The following ARHGEF25 variants were observed in gnomAD, a reference collection of about 807,000 sequenced individuals.
The protein encoded by ARHGEF25 is Rho guanine nucleotide exchange factor 25.
In ARHGEF25, 42 loss-of-function variants were observed where a neutral mutation model predicts 74.0. The ratio of observed to expected loss-of-function variants is 0.57; its 90% CI spans 0.44 to 0.73. The LOEUF (loss-of-function observed/expected upper bound fraction) is 0.73, where lower values mean the gene tolerates loss of function less well. ARHGEF25 is among the 30% of genes least tolerant of loss of function. The probability of loss-of-function intolerance (pLI) is 0.00; values close to 1 mark genes in which losing one functional copy is unlikely to be tolerated. For synonymous variants in ARHGEF25, 293 were observed against 278.6 expected (o/e 1.05, Z -0.51); for missense variants, 645 against 725.5 (o/e 0.89, Z 1.27).
In ARHGEF25 at chr12:57,613,493, G is replaced by C. The variant is rs770647857; in HGVS notation, c.462G>C (p.Lys154Asn). ...SQAPESEEEQ[K>N]KKALERSMYV... Reference sequence around the variant, plus strand: ...CCCCTGAGAGTGAGGAGGAACAGAAGAAGAAGGCTCTGGAAAGGAGTATGT... The same window carrying C: ...CCCCTGAGAGTGAGGAGGAACAGAACAAGAAGGCTCTGGAAAGGAGTATGT... Residue 154 changes from lysine to asparagine, a missense_variant, in exon 4 of 15, where the codon AAG becomes AAC. Lys to Asn is a moderately conservative substitution (Grantham distance 94, BLOSUM62 0). Around this residue, in one of 3 missense-constraint regions of ARHGEF25, gnomAD observed 189 missense variants for 199.1 expected, o/e 0.95. Transcript: ENST00000286494. The C allele has an allele frequency of 1.7e-5, 27 of 1,614,128 alleles. No homozygotes were observed. The highest frequency in any genetic ancestry group is 2.2e-5 in the Non-Finnish European group (26 of 1,180,050).
upstream of ARHGEF25, chr12:57,610,570 C>G (rs764009524): frequency 1.2e-6 from 2 of 1,607,830 alleles, no homozygotes; most frequent in East Asian, 2.2e-5. Flanking sequence ...GTCCCCGCAG[C>G]CCCCAAGGAG....
At chr12:57,612,201 CTCTT>C in intron 1 of ARHGEF25, 1 of 342,606 alleles carries the variant, frequency 2.9e-6, no homozygotes, top group Admixed American at 4.9e-5. Flanking sequence ...GGGAACTCAT[CTCTT>C]TCCCTTTGTC....
rs746573153 is a variant in ARHGEF25, at chr12:57,613,341, C to T, written c.390C>T (p.Gly130=). ...ELTLLTTLLE[G]PGDKTQPPEE... is the part of the protein sequence containing the mutation. The stretch of plus-strand genomic sequence containing the variant: ...CCTTGCTGACCACACTGTTGGAGGG[C>T]CCTGGAGATAAGACGCAGGTGTGAG... Residue 130 remains glycine, a synonymous_variant, in exon 3 of 15, where the codon GGC becomes GGT. Transcript: ENST00000286494. 6.2e-7 allele frequency: 1 copy of T among 1,614,206 alleles called. No individual in the cohort carries two copies. Among genetic ancestry groups the T allele is most frequent in the South Asian group, 1.1e-5 (1 of 91,076 alleles).
chr12:57,613,463 C>T lies in ARHGEF25; in HGVS notation c.432C>T (p.Ser144=). 6.2e-7 allele frequency: 1 copy of T among 1,614,166 alleles called. No homozygotes were observed. Among genetic ancestry groups the T allele is most frequent in the Non-Finnish European group, 8.5e-7 (1 of 1,180,034 alleles). The part of the protein sequence containing the change: ...KTQPPEEETL[S]QAPESEEEQK... Reference sequence around the variant, plus strand: ...AGCCACCTGAAGAGGAGACTTTGTCCCAAGCCCCTGAGAGTGAGGAGGAAC... The same window carrying T: ...AGCCACCTGAAGAGGAGACTTTGTCTCAAGCCCCTGAGAGTGAGGAGGAAC... Residue 144 remains serine, a synonymous_variant, in exon 4 of 15, where the codon TCC becomes TCT. Transcript: ENST00000286494.
chr12:57,610,324 G>A (rs1407716737), upstream of ARHGEF25: 2 of 1,483,954 alleles, frequency 1.3e-6, no homozygotes, highest in Non-Finnish European at 9.0e-7. Context: ...GGGTAAGAAT[G>A]GGGGCTCGCG....
rs949857766 is a variant in ARHGEF25 at position 57,616,358 on chromosome 12, G to A, written c.1495G>A (p.Val499Met). 3.2e-5 allele frequency: 52 copies of A among 1,614,000 alleles called. No homozygotes were observed. Among genetic ancestry groups the A allele is most frequent in the African/African-American group, 5.3e-5 (4 of 74,890 alleles). Residue 499 changes from valine to methionine, a missense_variant, in exon 14 of 15, where the codon GTG (valine) becomes ATG (methionine). This residue lies in a region of ARHGEF25 where 262 missense variants were observed against 256.9 expected (regional missense o/e 1.02). Coordinates refer to ENST00000286494, the MANE Select transcript of ARHGEF25 (RefSeq NM_182947.4). ...CCTGGGGCGGCCAAGAGGGCCTGGA[G>A]TGGGGAGCCCTGGAAGAATTCAGCT... ...NSLGRPRGPG[V>M]GSPGRIQLGD...
In ARHGEF25 at chr12:57,614,782, G is replaced by A. The variant is rs1238786687; in HGVS notation, c.909+1G>A. 3 of 1,606,382 alleles carry A rather than the reference G, an allele frequency of 1.9e-6. No individual in the cohort carries two copies. The highest frequency in any genetic ancestry group is 2.6e-6 in the Non-Finnish European group (3 of 1,176,420). On this transcript the variant is annotated splice_donor_variant, in intron 9 of 14. Coordinates refer to ENST00000286494, the MANE Select transcript of ARHGEF25 (RefSeq NM_182947.4). LOFTEE classifies it high-confidence loss of function. The surrounding 1 kb of genome is among the most constrained non-coding windows in gnomAD (Gnocchi z 4.6). Reference sequence around the variant, plus strand: ...CATGAAATACCAGCTGCTGCTCAAGGTCAGGACCCCCTTTTTCCTGGGGGC... The same window carrying A: ...CATGAAATACCAGCTGCTGCTCAAGATCAGGACCCCCTTTTTCCTGGGGGC...
chr12:57,610,751 T>A (rs557599605), upstream of ARHGEF25: 89 of 1,347,078 alleles, frequency 6.6e-5, no homozygotes, highest in East Asian at 2.0e-3. Flanking sequence ...TTCAAAAATA[T>A]TCTATTCTTA....
chr12:57,616,520 T>C (rs764681473), intron 14 of ARHGEF25, 25 bp downstream of exon 14: 1 of 1,601,870 alleles, frequency 6.2e-7, no homozygotes, highest in African/African-American at 1.3e-5. Context: ...GCTCCCTCAT[T>C]GTAGGGATAA....
At chr12:57,612,692 C>A (rs1594958784) in intron 1 of ARHGEF25, 1 of 1,403,598 alleles carries the variant, frequency 7.1e-7, no homozygotes, top group East Asian at 2.5e-5. Context: ...GGGGAACCTC[C>A]ACATGTAACT....
chr12:57,614,683 C>A lies in ARHGEF25; in HGVS notation c.817-6C>A. On this transcript the variant is annotated splice_polypyrimidine_tract_variant and splice_region_variant and intron_variant, in intron 8 of 14. Transcript: ENST00000286494. The surrounding 1 kb of genome is among the most constrained non-coding windows in gnomAD (Gnocchi z 4.6). ...GGCTGCATAACCACCCTGTCCCTGT[C>A]CCCAGGAGCTCCGGCAGCAGCTGGG... The A allele has an allele frequency of 6.2e-7, 1 of 1,613,548 alleles. No homozygotes were observed. The highest frequency in any genetic ancestry group is 8.5e-7 in the Non-Finnish European group (1 of 1,179,872).
rs571298065 is a variant in ARHGEF25 at position 57,614,325 on chromosome 12, C to T, written c.657-6C>T. 49 of 1,614,170 alleles carry T rather than the reference C, an allele frequency of 3.0e-5. 1 individual carries two copies. The South Asian group carries it at 4.9e-4, about 16-fold the overall frequency. On this transcript the variant is annotated splice_polypyrimidine_tract_variant and splice_region_variant and intron_variant, in intron 6 of 14. Coordinates refer to ENST00000286494, the MANE Select transcript of ARHGEF25 (RefSeq NM_182947.4). This position sits in a 1 kb window ranked among gnomAD's most constrained non-coding sequence, Gnocchi z 4.6. ...TGACCTGCTGCTTCTCTACCAACCC[C>T]TCCAGCTATTTCTTGCAAGAGCTAC...
At chr12:57,610,583 G>A, upstream of ARHGEF25, 1 of 1,610,330 alleles carries the variant, frequency 6.2e-7, no homozygotes, top group South Asian at 1.1e-5. Flanking sequence ...CCAAGGAGAA[G>A]CCCTCTAGGG....
In ARHGEF25 at chr12:57,613,981, C is replaced by T. The variant is rs200046593; in HGVS notation, c.553-35C>T. 1.4e-5 allele frequency: 23 copies of T among 1,598,482 alleles called. No homozygotes were observed. In the African/African-American group the frequency reaches 2.5e-4, roughly 18 times the overall value. On this transcript the variant is annotated intron_variant, in intron 5 of 14. Transcript: ENST00000286494. ...ACCATTAAGGTGGGGAGAGGGCCAC[C>T]ACATGCTCATGACCCAACCTCAACT...
Position 57,616,793 on chromosome 12 carries a change from G to A in ARHGEF25, c.1642G>A (p.Asp548Asn), listed in dbSNP as rs1180761727. The stretch of plus-strand genomic sequence containing the variant: ...TGAATCTTTTCTTCAGGCCCTTGGT[G>A]ACATCCCCCAGGCTCCCCATGACTC... ...LLPLDKQALG[D>N]IPQAPHDSPP... Residue 548 changes from aspartate to asparagine, a missense_variant, in exon 15 of 15, where the codon GAC becomes AAC. By Grantham distance (23) the Asp-to-Asn change is conservative. Coordinates refer to ENST00000286494, the MANE Select transcript of ARHGEF25 (RefSeq NM_182947.4). 10 of 1,606,960 alleles carry A rather than the reference G, an allele frequency of 6.2e-6. No homozygotes were observed. Among genetic ancestry groups the A allele is most frequent in the Admixed American group, 1.7e-5 (1 of 58,694 alleles).
intron 1 of ARHGEF25, 165 bp downstream of exon 1, chr12:57,612,156 T>G (rs1884083163): frequency 2.3e-6 from 1 of 444,118 alleles, no homozygotes. Flanking sequence ...TCCAAATTTC[T>G]GTTAGTTCAA....
chr12:57,613,203 G>A, intron 2 of ARHGEF25, 59 bp downstream of exon 2: 2 of 1,610,028 alleles, frequency 1.2e-6, no homozygotes, highest in Non-Finnish European at 1.7e-6. Context: ...TGGCAGAGAG[G>A]GCAAGTTGGG....
At position 57,611,675 on chromosome 12, in the gene ARHGEF25, C is replaced by A; in HGVS notation, c.-220C>A. On this transcript the variant is annotated 5_prime_UTR_variant, in exon 1 of 15. Coordinates refer to ENST00000286494, the MANE Select transcript of ARHGEF25 (RefSeq NM_182947.4). This position sits in a 1 kb window ranked among gnomAD's most constrained non-coding sequence, Gnocchi z 4.5. ...CTCCCCGCCCAGCCCGGCGGCCGGG[C>A]CCCGCGCCTCTCTCTCTCTAGAGCC... The A allele has an allele frequency of 1.8e-6, 2 of 1,128,408 alleles. No homozygotes were observed. The highest frequency in any genetic ancestry group is 1.1e-6 in the Non-Finnish European group (1 of 921,708). The allele number at this position is 1,128,408 out of a possible 1,614,324, so 69.9% of individuals were successfully genotyped here. A position where few individuals can be genotyped will look rare whatever the true frequency, so the allele number is the denominator to read the frequency against.
chr12:57,613,918 G>A (rs554815055), intron 5 of ARHGEF25, 98 bp from the exon 6 acceptor site: 2 of 1,475,016 alleles, frequency 1.4e-6, no homozygotes, highest in East Asian at 2.3e-5. Flanking sequence ...CACCAGGGAG[G>A]GGGAGGTGGA....
Sources: gnomAD v4.1 joint callset for allele counts on GRCh38, gnomAD v4.1.1 for gene constraint, gnomAD v4.1.1 regional missense constraint, Gnocchi (gnomAD v3.1) non-coding constraint, MANE v1.5 for transcripts, NCBI Gene and HGNC (gene_info 2026-07-23, HGNC 2026-07-21) for gene names.